Variants in KCNQ1 observed in about 807,000 individuals in gnomAD.
The protein encoded by KCNQ1 is potassium voltage-gated channel subfamily Q member 1, also known as potassium voltage-gated channel subfamily KQT member 1.
In KCNQ1, 49 loss-of-function variants were observed where a neutral mutation model predicts 72.4. That is an observed-to-expected ratio of 0.68 (90% confidence interval 0.54 to 0.86). The LOEUF (loss-of-function observed/expected upper bound fraction) is 0.86, where lower values mean the gene tolerates loss of function less well. KCNQ1 is among the 40% of genes least tolerant of loss of function. The pLI is 0.00. For missense variants in KCNQ1, 790 were observed against 945.1 expected (o/e 0.84, Z 2.15); for synonymous variants, 450 against 412.6 (o/e 1.09, Z -1.10).
intron 11 of KCNQ1, among the ~76,000 whole-genome samples, chr11:2,702,639 C>T (rs1479115459): frequency 6.6e-6 from 1 of 152,138 alleles, no homozygotes; most frequent in Non-Finnish European, 1.5e-5. Context: ...TTGCCTCCAC[C>T]CTCTACCTAA....
rs1020441225 is a variant in KCNQ1 at position 2,600,136 on chromosome 11, G to A, written c.1393+11282G>A. Among the ~76,000 whole-genome samples the A allele has an allele frequency of 6.6e-6, 1 of 152,072 alleles. No homozygotes were observed. The highest frequency in any genetic ancestry group is 1.5e-5 in the Non-Finnish European group (1 of 68,022). On this transcript the variant is annotated intron_variant, in intron 10 of 15. Transcript: ENST00000155840. This position sits in a 1 kb window ranked among gnomAD's most constrained non-coding sequence, Gnocchi z 5.6. ...TGTACCTCTATTGAAATCTAGTGCC[G>A]GATAATTCTTTGTTGAGGGAGGAAG...
chr11:2,825,164 GTTTCCCT>G, intron 15 of KCNQ1, among the ~76,000 whole-genome samples: 1 of 150,138 alleles, frequency 6.7e-6, no homozygotes, highest in Admixed American at 6.7e-5. Flanking sequence ...GGGAGGTGCC[GTTTCCCT>G]GCGGCGGGAC....
At chr11:2,490,607 AAG>A (rs761888560) in intron 1 of KCNQ1, among the ~76,000 whole-genome samples, 5 of 152,390 alleles carry the variant, frequency 3.3e-5, no homozygotes, top group African/African-American at 1.2e-4. Flanking sequence ...GGGAGAAAGT[AAG>A]AGAAGAAAAC....
At chr11:2,692,145 C>G (rs2133893336) in intron 11 of KCNQ1, 1 of 398,764 alleles carries the variant, frequency 2.5e-6, no homozygotes, top group East Asian at 3.6e-5. Context: ...AGGCCCCTGT[C>G]CTTTCAGTGT....
At position 2,447,174 on chromosome 11, in the gene KCNQ1, C is replaced by G. The variant is rs1433478281; in HGVS notation, c.386+1690C>G. Among the ~76,000 whole-genome samples the G allele has an allele frequency of 5.9e-5, 9 of 152,186 alleles. No individual in the cohort carries two copies. Among genetic ancestry groups the G allele is most frequent in the Non-Finnish European group, 1.3e-4 (9 of 68,034 alleles). On this transcript the variant is annotated intron_variant, in intron 1 of 15. Coordinates refer to ENST00000155840, the MANE Select transcript of KCNQ1 (RefSeq NM_000218.3). The surrounding 1 kb of genome is among the most constrained non-coding windows in gnomAD (Gnocchi z 7.6). ...CGCCACGCCCCAGAGGAAGTCTCTG[C>G]TTGCACTTGTGTTTTCTTCCTCATT...
Position 2,698,543 on chromosome 11 carries a change from C to T in KCNQ1, c.1514+36462C>T. On this transcript the variant is annotated intron_variant, in intron 11 of 15. Coordinates refer to ENST00000155840, the MANE Select transcript of KCNQ1 (RefSeq NM_000218.3). This position sits in a 1 kb window ranked among gnomAD's most constrained non-coding sequence, Gnocchi z 5.1. ...CACCACCCCCAACTCAGACTGCAAC[C>T]TTTACTTCGCCCCCTAATTCCTGAC... 1 of 398,514 alleles carries T rather than the reference C, an allele frequency of 2.5e-6. No individual in the cohort carries two copies. The highest frequency in any genetic ancestry group is 3.6e-5 in the East Asian group (1 of 28,058). The allele number at this position is 398,514 out of a possible 1,614,324, so 24.7% of individuals were successfully genotyped here.
In KCNQ1 at chr11:2,575,273, G is replaced by A. The variant is rs1045248389; in HGVS notation, c.921+2287G>A. On this transcript the variant is annotated intron_variant, in intron 6 of 15. Coordinates refer to ENST00000155840, the MANE Select transcript of KCNQ1 (RefSeq NM_000218.3). The stretch of plus-strand genomic sequence containing the variant: ...GTGCCCGGCTTGGCATCAGTGCCCC[G>A]GCCCACACCGTCAGCTGCAGCCCGA... Among the ~76,000 whole-genome samples the A allele has an allele frequency of 1.6e-4, 24 of 152,292 alleles. 1 individual carries two copies. The East Asian group carries it at 4.6e-3, about 30-fold the overall frequency.
At position 2,509,837 on chromosome 11, in the gene KCNQ1, G is replaced by A. The variant is rs1847166452; in HGVS notation, c.387-18091G>A. On this transcript the variant is annotated intron_variant, in intron 1 of 15. Coordinates refer to ENST00000155840, the MANE Select transcript of KCNQ1 (RefSeq NM_000218.3). The surrounding 1 kb of genome is among the most constrained non-coding windows in gnomAD (Gnocchi z 6.3). Reference sequence around the variant, plus strand: ...GTGGACAGGGAACCCTGGCGGGGCCGGCCAATGGTGGCGTGATGCAGCCTG... The same window carrying A: ...GTGGACAGGGAACCCTGGCGGGGCCAGCCAATGGTGGCGTGATGCAGCCTG... Among the ~76,000 whole-genome samples, 1 of 152,144 alleles carries A rather than the reference G, an allele frequency of 6.6e-6. No homozygotes were observed. The highest frequency in any genetic ancestry group is 2.4e-5 in the African/African-American group (1 of 41,404).
chr11:2,659,859 CT>C lies in KCNQ1; in HGVS notation c.1394-2100del, dbSNP rs1193145292. On this transcript the variant is annotated intron_variant, in intron 10 of 15. Transcript: ENST00000155840. This position sits in a 1 kb window ranked among gnomAD's most constrained non-coding sequence, Gnocchi z 4.3. The stretch of plus-strand genomic sequence containing the variant: ...TGTTAATTATGTATCTTTTCATGTG[CT>C]TATTTATAATCCATTTTTAAAATTG... The C allele has an allele frequency of 1.8e-5, 7 of 398,038 alleles. No homozygotes were observed. The East Asian group carries it at 2.5e-4, about 14-fold the overall frequency. 24.7% of individuals were successfully genotyped at this position (398,038 alleles called of 1,614,324 possible).
intron 6 of KCNQ1, among the ~76,000 whole-genome samples, chr11:2,580,359 T>C (rs748349513): frequency 2.6e-5 from 4 of 152,220 alleles, no homozygotes; most frequent in Non-Finnish European, 4.4e-5. Context: ...TTTAATACAG[T>C]GGAGGCATGT....
At chr11:2,717,716 G>A (rs1184236057) in intron 11 of KCNQ1, among the ~76,000 whole-genome samples, 2 of 152,340 alleles carry the variant, frequency 1.3e-5, no homozygotes, top group Non-Finnish European at 2.9e-5. Flanking sequence ...GAAACGGAAA[G>A]ACAGATGGCA....
At position 2,679,891 on chromosome 11, in the gene KCNQ1, T is replaced by TTTTTTA; in HGVS notation, c.1514+17822_1514+17827dup. ...ACTTAGAACTAGCACGCCTAATTTT[T>TTTTTTA]TTTTTATTTTTATTTTTTTTGAGGC... On this transcript the variant is annotated intron_variant, in intron 11 of 15. Coordinates refer to ENST00000155840, the MANE Select transcript of KCNQ1 (RefSeq NM_000218.3). This position sits in a 1 kb window ranked among gnomAD's most constrained non-coding sequence, Gnocchi z 4.8. 1 of 398,316 alleles carries TTTTTTA rather than the reference T, an allele frequency of 2.5e-6. No individual in the cohort carries two copies. The highest frequency in any genetic ancestry group is 4.4e-6 in the Non-Finnish European group (1 of 226,046). The allele number at this position is 398,316 out of a possible 1,614,324, so 24.7% of individuals were successfully genotyped here.
chr11:2,628,715 C>T (rs1849301769), intron 10 of KCNQ1: 1 of 398,202 alleles, frequency 2.5e-6, no homozygotes, highest in South Asian at 1.3e-4. Flanking sequence ...TCACAAAAAC[C>T]AATGGCAAGG....
chr11:2,649,380 T>C (rs1849723170), intron 10 of KCNQ1: 1 of 398,556 alleles, frequency 2.5e-6, no homozygotes, highest in Admixed American at 4.4e-5. Flanking sequence ...TCTACTAGTG[T>C]TTTATGCTTT....
At chr11:2,793,553 G>A (rs573029174) in intron 15 of KCNQ1, among the ~76,000 whole-genome samples, 4 of 152,330 alleles carry the variant, frequency 2.6e-5, no homozygotes, top group African/African-American at 9.6e-5. Flanking sequence ...GAGCCCAGGA[G>A]TTCAAGGCTG....
rs1849803676 is a variant in KCNQ1, at chr11:2,654,345, T to C, written c.1394-7616T>C. 1 of 398,432 alleles carries C rather than the reference T, an allele frequency of 2.5e-6. No homozygotes were observed. The highest frequency in any genetic ancestry group is 4.4e-6 in the Non-Finnish European group (1 of 226,150). The allele number at this position is 398,432 out of a possible 1,614,324, so 24.7% of individuals were successfully genotyped here. Reference sequence around the variant, plus strand: ...GGAGGGGGCTTCTACTTGCAAAGGATAGGGAGAGCTTCTGTTCATCCTTGT... The same window carrying C: ...GGAGGGGGCTTCTACTTGCAAAGGACAGGGAGAGCTTCTGTTCATCCTTGT... On this transcript the variant is annotated intron_variant, in intron 10 of 15. Transcript: ENST00000155840. The surrounding 1 kb of genome is among the most constrained non-coding windows in gnomAD (Gnocchi z 6.4).
At chr11:2,636,509 C>A (rs1006927205) in intron 10 of KCNQ1, 2 of 152,158 alleles carry the variant, frequency 1.3e-5, no homozygotes, top group Non-Finnish European at 2.9e-5. Context: ...ATATGTTGAA[C>A]CAGCCTTGCA....
Position 2,654,111 on chromosome 11 carries a change from C to T in KCNQ1, c.1394-7850C>T, listed in dbSNP as rs566661646. ...CTTACTTCTCGCCTCTGAGTGGAGACACAGGTGGTGGCGGGGCCACTCTGG... is the reference window on the plus strand; with the variant it reads ...CTTACTTCTCGCCTCTGAGTGGAGATACAGGTGGTGGCGGGGCCACTCTGG... On this transcript the variant is annotated intron_variant, in intron 10 of 15. Coordinates refer to ENST00000155840, the MANE Select transcript of KCNQ1 (RefSeq NM_000218.3). This position sits in a 1 kb window ranked among gnomAD's most constrained non-coding sequence, Gnocchi z 6.4. 38 of 398,620 alleles carry T rather than the reference C, an allele frequency of 9.5e-5. No homozygotes were observed. The East Asian group carries it at 1.4e-3, about 14-fold the overall frequency. The allele number at this position is 398,620 out of a possible 1,614,324, so 24.7% of individuals were successfully genotyped here.
intron 11 of KCNQ1, chr11:2,662,550 G>A (rs1849980999): frequency 4.7e-6 from 2 of 426,630 alleles, no homozygotes; most frequent in Middle Eastern, 6.0e-4. Context: ...CTTCCAGTTG[G>A]CCTTCCCCTG....
Sources: allele counts gnomAD v4.1 joint callset (sites outside exome capture counted in the v4.1 genomes callset), GRCh38; gene constraint gnomAD v4.1.1; non-coding constraint Gnocchi (gnomAD v3.1); transcripts MANE v1.5; gene names NCBI Gene and HGNC (gene_info 2026-07-23, HGNC 2026-07-21).